The following TMEM108 variants were observed in gnomAD, a reference collection of about 807,000 sequenced individuals.
TMEM108 encodes the protein cancer/testis antigen 124.
Under a neutral mutation model 35.1 loss-of-function variants are expected in TMEM108, and 12 were observed. That is an observed-to-expected ratio of 0.34 (90% CI 0.22 to 0.55). TMEM108 has a LOEUF of 0.55. TMEM108 is among the 20% of genes least tolerant of loss of function. TMEM108 has a pLI of 0.89. For missense variants in TMEM108, 680 were observed against 753.3 expected (o/e 0.90, Z 1.14); for synonymous variants, 287 against 308.6 (o/e 0.93, Z 0.73).
chr3:133,164,944 A>T (rs1281152228), intron 2 of TMEM108, among the ~76,000 whole-genome samples: 1 of 152,224 alleles, frequency 6.6e-6, no homozygotes, highest in African/African-American at 2.4e-5. Flanking sequence ...GAGAATGTAC[A>T]TTATCTAGTG....
chr3:133,158,135 C>T (rs1334686287), intron 2 of TMEM108, among the ~76,000 whole-genome samples: 3 of 152,010 alleles, frequency 2.0e-5, no homozygotes, highest in African/African-American at 4.8e-5. Flanking sequence ...TTGGGTTCTG[C>T]CCTCCATATT....
chr3:133,162,637 T>A (rs932511877), intron 2 of TMEM108, among the ~76,000 whole-genome samples: 2 of 152,224 alleles, frequency 1.3e-5, no homozygotes, highest in Non-Finnish European at 2.9e-5. Flanking sequence ...GATTACAGGA[T>A]GTGGTCTTGG....
intron 2 of TMEM108, among the ~76,000 whole-genome samples, chr3:133,196,622 A>G (rs556564559): frequency 6.6e-6 from 1 of 152,342 alleles, no homozygotes; most frequent in South Asian, 2.1e-4. Flanking sequence ...AGGGGATTGC[A>G]TTCAGCAGTG....
chr3:133,059,171 G>T (rs566449482), intron 2 of TMEM108, among the ~76,000 whole-genome samples: 1 of 152,120 alleles, frequency 6.6e-6, no homozygotes, highest in Non-Finnish European at 1.5e-5. Flanking sequence ...TGACTGAATC[G>T]CCTCTCAAAG....
chr3:133,074,480 A>T (rs1438394742), intron 2 of TMEM108: 1 of 152,184 alleles, frequency 6.6e-6, no homozygotes, highest in East Asian at 1.9e-4. Flanking sequence ...ATCATCTAAC[A>T]CAAAGCCTAT....
At chr3:133,370,162 T>G (rs1442836679) in intron 3 of TMEM108, among the ~76,000 whole-genome samples, 17 of 130,736 alleles carry the variant, frequency 1.3e-4, no homozygotes, top group Non-Finnish European at 1.9e-4. Context: ...TTTTTTTTTT[T>G]GCCTAATGTC....
intron 3 of TMEM108, among the ~76,000 whole-genome samples, chr3:133,250,195 C>T (rs1946448171): frequency 6.6e-6 from 1 of 152,098 alleles, no homozygotes; most frequent in Non-Finnish European, 1.5e-5. Flanking sequence ...GGCCCTTGAA[C>T]AATGTGGGTC....
At chr3:133,215,447 A>C (rs1206374564) in intron 2 of TMEM108, among the ~76,000 whole-genome samples, 2 of 151,746 alleles carry the variant, frequency 1.3e-5, no homozygotes, top group Admixed American at 1.3e-4. Context: ...AAGATGGAGC[A>C]TCACCTTGTT....
chr3:133,235,715 T>A (rs9838325), intron 3 of TMEM108, among the ~76,000 whole-genome samples: 30,938 of 152,090 alleles, frequency 0.2, 3,666 homozygotes, highest in Middle Eastern at 0.32. Context: ...CTGCTCTAAC[T>A]AACATTTGTG....
At chr3:133,196,823 T>C (rs950556629) in intron 2 of TMEM108, among the ~76,000 whole-genome samples, 2 of 152,220 alleles carry the variant, frequency 1.3e-5, no homozygotes, top group Admixed American at 6.5e-5. Flanking sequence ...CACATGTCAT[T>C]CTTCCAGGTG....
intron 3 of TMEM108, among the ~76,000 whole-genome samples, chr3:133,339,285 A>G (rs2071591590): frequency 6.6e-6 from 1 of 151,970 alleles, no homozygotes; most frequent in African/African-American, 2.4e-5. Context: ...TTCCATGCCA[A>G]TGGAAACCAA....
intron 2 of TMEM108, among the ~76,000 whole-genome samples, chr3:133,064,783 T>C (rs562062275): frequency 6.6e-6 from 1 of 151,950 alleles, no homozygotes; most frequent in South Asian, 2.1e-4. Flanking sequence ...GGGAAGATAA[T>C]GCTGATGAAA....
chr3:133,074,125 G>C (rs1327796364), intron 2 of TMEM108, among the ~76,000 whole-genome samples: 3 of 151,912 alleles, frequency 2.0e-5, no homozygotes, highest in African/African-American at 7.2e-5. Flanking sequence ...CAGGTTTTTT[G>C]TTTTATTTTG....
chr3:133,289,465 T>C (rs760976750), intron 3 of TMEM108, among the ~76,000 whole-genome samples: 24 of 152,206 alleles, frequency 1.6e-4, no homozygotes, highest in Non-Finnish European at 3.4e-4. Flanking sequence ...CCACGTGAAC[T>C]ACCATACTAG....
intron 3 of TMEM108, among the ~76,000 whole-genome samples, chr3:133,256,474 G>A (rs10935055): frequency 0.31 from 46,443 of 152,038 alleles, 7,824 homozygotes; most frequent in East Asian, 0.47. Context: ...CTAATATGTG[G>A]GGTTAATGAA....
intron 3 of TMEM108, among the ~76,000 whole-genome samples, chr3:133,232,040 T>C (rs1371300835): frequency 6.6e-6 from 1 of 152,080 alleles, no homozygotes. Flanking sequence ...ACAGGAAAAA[T>C]CAGCAGTGTG....
intron 2 of TMEM108, among the ~76,000 whole-genome samples, chr3:133,100,081 G>A (rs1184799436): frequency 2.0e-5 from 3 of 152,222 alleles, no homozygotes; most frequent in African/African-American, 7.2e-5. Context: ...TCACATGGCT[G>A]AGAAGGCCTC....
chr3:133,172,937 C>A (rs2107792121), intron 2 of TMEM108, among the ~76,000 whole-genome samples: 1 of 152,298 alleles, frequency 6.6e-6, no homozygotes, highest in Middle Eastern at 3.4e-3. Flanking sequence ...TCTTTGCCTG[C>A]TGCTATTCAG....
intron 2 of TMEM108, among the ~76,000 whole-genome samples, chr3:133,079,383 T>C (rs1472858830): frequency 6.6e-6 from 1 of 152,204 alleles, no homozygotes; most frequent in East Asian, 1.9e-4. Context: ...TATACCAGAA[T>C]AATATAGACT....
Sources: allele counts gnomAD v4.1 joint callset (sites outside exome capture counted in the v4.1 genomes callset), GRCh38; gene constraint gnomAD v4.1.1; transcripts MANE v1.5; gene names NCBI Gene and HGNC (gene_info 2026-07-23, HGNC 2026-07-21).